Variants in NXPE2 observed in about 807,000 individuals in gnomAD.
The protein encoded by NXPE2 is NXPE family member 2.
NXPE2 carries 34 observed loss-of-function variants against 34.4 expected under a neutral mutation model. The observed-to-expected ratio is 0.99, with a 90% confidence interval of 0.75 to 1.31. NXPE2 has a LOEUF of 1.31. Ranked by LOEUF, NXPE2 falls within the 40% of genes most tolerant of loss-of-function variation. The pLI, the probability that NXPE2 is intolerant of heterozygous loss-of-function variation, is 0.00. For missense variants in NXPE2, 649 were observed against 672.5 expected (o/e 0.97, Z 0.39); for synonymous variants, 235 against 231.3 (o/e 1.02, Z -0.15).
chr11:114,556,995 C>G, the NXPE2 span, among the ~76,000 whole-genome samples: 1 of 151,628 alleles, frequency 6.6e-6, no homozygotes, highest in African/African-American at 2.4e-5. Context: ...TGGGTTCAAG[C>G]AATTATAGTG....
intron 2 of NXPE2, among the ~76,000 whole-genome samples, chr11:114,680,889 T>C (rs1029998824): frequency 6.6e-6 from 1 of 152,138 alleles, no homozygotes; most frequent in African/African-American, 2.4e-5. Flanking sequence ...CCACTAGCAC[T>C]ACCAAAACAA....
chr11:114,525,808 T>A, the NXPE2 span, among the ~76,000 whole-genome samples: 1 of 152,220 alleles, frequency 6.6e-6, no homozygotes, highest in Non-Finnish European at 1.5e-5. Flanking sequence ...CCCTTTCAGG[T>A]ACATGTATAA....
chr11:114,644,251 T>TA, the NXPE2 span, among the ~76,000 whole-genome samples: 1 of 152,164 alleles, frequency 6.6e-6, no homozygotes, highest in Admixed American at 6.5e-5. Context: ...TTTATTTCTT[T>TA]CTCTTGCCTG....
At chr11:114,582,530 G>T in the NXPE2 span, 1 of 1,614,152 alleles carries the variant, frequency 6.2e-7, no homozygotes, top group South Asian at 1.1e-5. Flanking sequence ...CATAGCCTTG[G>T]TTCCTTGCAC....
the NXPE2 span, among the ~76,000 whole-genome samples, chr11:114,634,055 T>C: frequency 6.6e-6 from 1 of 151,864 alleles, no homozygotes; most frequent in Non-Finnish European, 1.5e-5. Context: ...TCCACAATGA[T>C]TGAACTAGTT....
At chr11:114,735,653 C>T in the NXPE2 span, among the ~76,000 whole-genome samples, 1 of 152,188 alleles carries the variant, frequency 6.6e-6, no homozygotes, top group Non-Finnish European at 1.5e-5. Flanking sequence ...GTGCTAACTG[C>T]TTTTCCTCAA....
At chr11:114,648,008 G>GT in the NXPE2 span, among the ~76,000 whole-genome samples, 5 of 151,956 alleles carry the variant, frequency 3.3e-5, no homozygotes, top group Non-Finnish European at 5.9e-5. Flanking sequence ...CCGACTTAAC[G>GT]TTTTTTTAAG....
chr11:114,735,090 A>G, the NXPE2 span, among the ~76,000 whole-genome samples: 1 of 152,166 alleles, frequency 6.6e-6, no homozygotes, highest in Non-Finnish European at 1.5e-5. Context: ...AGCCTGGGCA[A>G]CAGAGCAAGA....
At chr11:114,557,943 C>G in the NXPE2 span, among the ~76,000 whole-genome samples, 4 of 151,846 alleles carry the variant, frequency 2.6e-5, no homozygotes, top group South Asian at 2.1e-4. Flanking sequence ...AAAGCATCAG[C>G]ACTTTGAATA....
the NXPE2 span, among the ~76,000 whole-genome samples, chr11:114,539,301 G>A: frequency 7.6e-6 from 1 of 130,974 alleles, no homozygotes; most frequent in East Asian, 2.7e-4. Flanking sequence ...GGGGAGGGGG[G>A]AGGGATAGCA....
the NXPE2 span, among the ~76,000 whole-genome samples, chr11:114,663,709 T>TCTATCTATCTAC: frequency 6.6e-6 from 1 of 151,218 alleles, no homozygotes; most frequent in South Asian, 2.1e-4. Context: ...TATCTATCTA[T>TCTATCTATCTAC]CTATCTGATC....
the NXPE2 span, among the ~76,000 whole-genome samples, chr11:114,735,252 T>A: frequency 6.6e-6 from 1 of 152,178 alleles, no homozygotes; most frequent in Non-Finnish European, 1.5e-5. Context: ...TTCAAATCAA[T>A]CTATAAATCT....
chr11:114,710,207 A>C (rs1859587707), downstream of NXPE2, among the ~76,000 whole-genome samples: 1 of 152,180 alleles, frequency 6.6e-6, no homozygotes, highest in Non-Finnish European at 1.5e-5. Context: ...AAGAAGAACA[A>C]ACCAAGTCCA....
At chr11:114,687,461 C>CCTGGCACAG in intron 2 of NXPE2, among the ~76,000 whole-genome samples, 1 of 152,068 alleles carries the variant, frequency 6.6e-6, no homozygotes, top group South Asian at 2.1e-4. Context: ...AATTCTGTTC[C>CCTGGCACAG]ATTAGTCTAT....
At chr11:114,612,342 C>T in the NXPE2 span, among the ~76,000 whole-genome samples, 1 of 144,936 alleles carries the variant, frequency 6.9e-6, no homozygotes, top group South Asian at 2.2e-4. Flanking sequence ...ATAGTAAGTA[C>T]TGCCTCGTGG....
the NXPE2 span, among the ~76,000 whole-genome samples, chr11:114,777,486 G>T: frequency 5.9e-5 from 9 of 152,322 alleles, no homozygotes; most frequent in East Asian, 1.5e-3. Flanking sequence ...CACATTCTCA[G>T]GTTGTGCTCT....
At chr11:114,639,439 C>T in the NXPE2 span, among the ~76,000 whole-genome samples, 2 of 151,904 alleles carry the variant, frequency 1.3e-5, no homozygotes, top group South Asian at 4.1e-4. Context: ...CAATGCCATG[C>T]TCTGCTTCGG....
chr11:114,799,920 A>C, the NXPE2 span, among the ~76,000 whole-genome samples: 4 of 136,322 alleles, frequency 2.9e-5, no homozygotes, highest in Non-Finnish European at 3.1e-5. Context: ...TTCTCTCTGC[A>C]CTCCCTCCCT....
At chr11:114,608,309 G>A in the NXPE2 span, among the ~76,000 whole-genome samples, 1 of 151,750 alleles carries the variant, frequency 6.6e-6, no homozygotes, top group Admixed American at 6.6e-5. Context: ...GTTGCATCAT[G>A]GGTAACCAGT....
Sources: allele counts gnomAD v4.1 joint callset (sites outside exome capture counted in the v4.1 genomes callset), GRCh38; gene constraint gnomAD v4.1.1; transcripts MANE v1.5; gene names NCBI Gene and HGNC (gene_info 2026-07-23, HGNC 2026-07-21).